ITCH: variants seen among roughly 807,000 people sequenced by gnomAD.
ITCH encodes the protein itchy E3 ubiquitin protein ligase, also known as E3 ubiquitin-protein ligase Itchy homolog.
ITCH carries 28 observed loss-of-function variants against 126.8 expected under a neutral mutation model. That is an observed-to-expected ratio of 0.22 (90% CI 0.16 to 0.30). The LOEUF (loss-of-function observed/expected upper bound fraction) is 0.30, where lower values mean the gene tolerates loss of function less well. ITCH is among the 10% of genes least tolerant of loss of function. ITCH has a pLI of 1.00. For synonymous variants in ITCH, 342 were observed against 340.0 expected (o/e 1.01, Z -0.06); for missense variants, 631 against 1,032.4 (o/e 0.61, Z 5.33).
chr20:34,377,081 A>G (rs2037874891), intron 2 of ITCH, among the ~76,000 whole-genome samples: 1 of 152,172 alleles, frequency 6.6e-6, no homozygotes, highest in Non-Finnish European at 1.5e-5. Flanking sequence ...GTAGAATAGA[A>G]AGAAAAACCA....
rs372880296 is a variant in ITCH, at chr20:34,477,910, C to T, written c.1658+50C>T. ...ACTTAGTTCCTTTCCTCCAAAGGTACCATTGCACTTCGCTTGCAAGTATTA... is the reference window on the plus strand; with the variant it reads ...ACTTAGTTCCTTTCCTCCAAAGGTATCATTGCACTTCGCTTGCAAGTATTA... On this transcript the variant is annotated intron_variant, in intron 17 of 24. Coordinates refer to ENST00000374864, the MANE Select transcript of ITCH (RefSeq NM_031483.7). The T allele has an allele frequency of 2.1e-4, 337 of 1,606,306 alleles. 1 individual carries two copies. The highest frequency in any genetic ancestry group is 1.5e-3 in the South Asian group (130 of 89,538).
chr20:34,456,589 C>T (rs1427722735), intron 12 of ITCH, among the ~76,000 whole-genome samples: 10 of 145,450 alleles, frequency 6.9e-5, no homozygotes, highest in South Asian at 2.2e-4. Flanking sequence ...GCTGAGATCA[C>T]GCCACTGCAC....
At chr20:34,500,660 C>T (rs1181343145) in intron 23 of ITCH, among the ~76,000 whole-genome samples, 1 of 152,150 alleles carries the variant, frequency 6.6e-6, no homozygotes, top group East Asian at 1.9e-4. Flanking sequence ...AATTTATCCA[C>T]TTATATTCAA....
intron 8 of ITCH, among the ~76,000 whole-genome samples, chr20:34,438,888 A>G (rs1000032085): frequency 7.2e-5 from 11 of 152,230 alleles, no homozygotes; most frequent in African/African-American, 2.4e-4. Flanking sequence ...GGCGGTGCAG[A>G]TAACATGGCA....
chr20:34,458,934 A>G (rs972336947), intron 13 of ITCH, among the ~76,000 whole-genome samples: 28 of 152,228 alleles, frequency 1.8e-4, no homozygotes, highest in African/African-American at 4.3e-4. Context: ...AGTTCAACCC[A>G]TAACAGTCTG....
At chr20:34,419,155 T>A (rs879495979) in intron 6 of ITCH, among the ~76,000 whole-genome samples, 3 of 152,214 alleles carry the variant, frequency 2.0e-5, no homozygotes, top group Non-Finnish European at 4.4e-5. Flanking sequence ...ATATGGTCAT[T>A]GTGAATTTCA....
intron 6 of ITCH, among the ~76,000 whole-genome samples, chr20:34,417,400 CT>C (rs1285064114): frequency 1.8e-3 from 211 of 114,982 alleles, no homozygotes; most frequent in Admixed American, 3.6e-3. Flanking sequence ...GCCCGGCTGA[CT>C]TTTTTTTTTT....
chr20:34,492,217 G>A (rs1380460857), intron 22 of ITCH, among the ~76,000 whole-genome samples: 3 of 152,124 alleles, frequency 2.0e-5, no homozygotes, highest in African/African-American at 4.8e-5. Flanking sequence ...CTAATGCAGT[G>A]GACACCAGAG....
At chr20:34,466,180 A>AT (rs11480899) in intron 14 of ITCH, 131,161 of 268,394 alleles carry the variant, frequency 0.49, 33,070 homozygotes, top group Middle Eastern at 0.56. Context: ...TGATCATGTG[A>AT]TTTTTTCCCC....
chr20:34,500,882 GA>G (rs1460870458), intron 23 of ITCH, among the ~76,000 whole-genome samples: 4 of 152,148 alleles, frequency 2.6e-5, no homozygotes, highest in Non-Finnish European at 5.9e-5. Flanking sequence ...TCATGAGAGT[GA>G]TTATCATCTT....
In ITCH at chr20:34,477,762, T is replaced by G. The variant is rs776920286; in HGVS notation, c.1570-10T>G. The G allele has an allele frequency of 5.0e-6, 8 of 1,611,998 alleles. No individual in the cohort carries two copies. In the South Asian group the frequency reaches 6.6e-5, roughly 13 times the overall value. ...TTTTTCACCAATTATTTTACTTTAT[T>G]TTTTTTTAGATAATGAGCTTCAGTC... On this transcript the variant is annotated splice_polypyrimidine_tract_variant and intron_variant, in intron 16 of 24. Coordinates refer to ENST00000374864, the MANE Select transcript of ITCH (RefSeq NM_031483.7).
chr20:34,363,423 A>G (rs1352161461), intron 1 of ITCH, 74 bp downstream of exon 1: 2 of 152,270 alleles, frequency 1.3e-5, no homozygotes, highest in African/African-American at 4.8e-5. Flanking sequence ...TTCGGGGAGA[A>G]CAAGGGTAGA....
At chr20:34,385,944 C>T (rs943201483) in intron 2 of ITCH, among the ~76,000 whole-genome samples, 1 of 152,068 alleles carries the variant, frequency 6.6e-6, no homozygotes, top group African/African-American at 2.4e-5. Flanking sequence ...AACCGCCTTC[C>T]CTATCATGAG....
chr20:34,475,769 C>G (rs894400742), intron 16 of ITCH, among the ~76,000 whole-genome samples: 14 of 151,944 alleles, frequency 9.2e-5, no homozygotes, highest in African/African-American at 3.1e-4. Context: ...TGCATACTTT[C>G]AAGAATGACA....
rs977126637 is a variant in ITCH, at chr20:34,424,505, C to T, written c.501C>T (p.Ser167=). The stretch of plus-strand genomic sequence containing the variant: ...GTGCTTCTCAGAATGATGATGGCTC[C>T]AGATCCAAGGATGAAACAAGGTAAG... ...SESASQNDDG[S]RSKDETRVST... The change falls in exon 7 of 25, where the codon TCC becomes TCT. Residue 167 remains serine, a synonymous_variant. Transcript: ENST00000374864. The T allele has an allele frequency of 4.3e-6, 7 of 1,613,524 alleles. No individual in the cohort carries two copies. The highest frequency in any genetic ancestry group is 5.9e-6 in the Non-Finnish European group (7 of 1,179,518).
intron 20 of ITCH, among the ~76,000 whole-genome samples, chr20:34,485,060 T>G (rs1989013188): frequency 6.6e-6 from 1 of 152,232 alleles, no homozygotes; most frequent in African/African-American, 2.4e-5. Context: ...TATCTAGCTT[T>G]TAGTGTCTGA....
At chr20:34,467,537 A>G (rs1166556789) in intron 14 of ITCH, among the ~76,000 whole-genome samples, 1 of 151,592 alleles carries the variant, frequency 6.6e-6, no homozygotes, top group African/African-American at 2.4e-5. Context: ...AAAAAAAAAA[A>G]GAAAAAAAAG....
chr20:34,446,485 G>A (rs1483428065), intron 11 of ITCH, among the ~76,000 whole-genome samples: 1 of 151,984 alleles, frequency 6.6e-6, no homozygotes, highest in Non-Finnish European at 1.5e-5. Context: ...CCTTCCCTTT[G>A]TTCCTTGGTT....
chr20:34,449,137 C>T (rs1984847167), intron 11 of ITCH, among the ~76,000 whole-genome samples: 1 of 151,792 alleles, frequency 6.6e-6, no homozygotes, highest in African/African-American at 2.4e-5. Context: ...AAATTTGTAG[C>T]ACAAAGGAAA....
Sources: allele counts gnomAD v4.1 joint callset (sites outside exome capture counted in the v4.1 genomes callset), GRCh38; gene constraint gnomAD v4.1.1; transcripts MANE v1.5; gene names NCBI Gene and HGNC (gene_info 2026-07-23, HGNC 2026-07-21).